HSPA4L: variants seen among roughly 807,000 people sequenced by gnomAD.
The protein encoded by HSPA4L is heat shock protein family A (Hsp70) member 4 like.
In HSPA4L, 48 loss-of-function variants were observed where a neutral mutation model predicts 100.3. That is an observed-to-expected ratio of 0.48 (90% CI 0.38 to 0.61). The LOEUF (loss-of-function observed/expected upper bound fraction) is 0.61. Ranked by LOEUF, HSPA4L falls within the 20% of genes least tolerant of loss-of-function variation. The pLI is 0.00. For missense variants in HSPA4L, 886 were observed against 988.6 expected, an observed-to-expected ratio of 0.90 and a Z score of 1.39; for synonymous variants, 319 against 328.2, an observed-to-expected ratio of 0.97 and a Z score of 0.30.
chr4:127,822,951 T>A (rs1733852107), intron 15 of HSPA4L, 57 bp downstream of exon 15: 1 of 1,505,234 alleles, frequency 6.6e-7, no homozygotes, highest in South Asian at 1.2e-5. Context: ...TACTCGAGAA[T>A]GCTAGTACAA....
Position 127,818,343 on chromosome 4 carries a change from C to T in HSPA4L, c.1597C>T (p.Gln533Ter). 1 of 1,609,790 alleles carries T rather than the reference C, an allele frequency of 6.2e-7. No individual in the cohort carries two copies. Among genetic ancestry groups the T allele is most frequent in the East Asian group, 2.2e-5 (1 of 44,754 alleles). Residue 533 changes from glutamine (Q) to a stop codon, truncating the protein, a stop_gained, in exon 13 of 19, where the codon CAA (glutamine) becomes TAA (stop). Transcript: ENST00000296464. LOFTEE classifies it high-confidence loss of function. ...TTTCTAGGATAAAATGCAGGTTGAT[C>T]AAGAAGAAGGGCATCAAAAATGTCA... The part of the protein sequence containing the change: ...KDNMDKMQVD[Q>*]EEGHQKCHAE...
At chr4:127,811,733 C>A (rs1733537419) in intron 12 of HSPA4L, 97 bp downstream of exon 12, 2 of 891,766 alleles carry the variant, frequency 2.2e-6, no homozygotes, top group Non-Finnish European at 3.4e-6. Context: ...ACATTACTCT[C>A]TGAGGTTTTG....
chr4:127,784,247 T>C (rs1191371128), intron 1 of HSPA4L, among the ~76,000 whole-genome samples: 1 of 152,244 alleles, frequency 6.6e-6, no homozygotes, highest in Non-Finnish European at 1.5e-5. Context: ...AGGGTGGACA[T>C]TCTTTTAGTC....
chr4:127,813,444 G>A (rs1733594733), intron 12 of HSPA4L: 1 of 366,082 alleles, frequency 2.7e-6, no homozygotes, highest in East Asian at 4.7e-5. Flanking sequence ...TTTGAATTGA[G>A]GAAGAGGAAA....
chr4:127,800,899 A>G (rs1733156185), intron 4 of HSPA4L, among the ~76,000 whole-genome samples: 1 of 152,198 alleles, frequency 6.6e-6, no homozygotes, highest in African/African-American at 2.4e-5. Flanking sequence ...ATTTAGACGA[A>G]TAAAACTTAG....
chr4:127,811,637 G>C lies in HSPA4L; in HGVS notation c.1578+1G>C. The C allele has an allele frequency of 6.3e-7, 1 of 1,599,570 alleles. No individual in the cohort carries two copies. Among genetic ancestry groups the C allele is most frequent in the Non-Finnish European group, 8.5e-7 (1 of 1,170,298 alleles). ...TAAAAATGAAAACAAAGATAATATG[G>C]TATGTAGAAATTCTTTCTCAATGTT... On this transcript the variant is annotated splice_donor_variant, in intron 12 of 18. Coordinates refer to ENST00000296464, the MANE Select transcript of HSPA4L (RefSeq NM_014278.4). LOFTEE classifies it high-confidence loss of function.
At chr4:127,800,366 G>C (rs1487061044) in intron 4 of HSPA4L, among the ~76,000 whole-genome samples, 1 of 152,076 alleles carries the variant, frequency 6.6e-6, no homozygotes, top group African/African-American at 2.4e-5. Flanking sequence ...TACTCAGGGG[G>C]CTGAAGCAAA....
chr4:127,800,394 G>A (rs576609693), intron 4 of HSPA4L, among the ~76,000 whole-genome samples: 16 of 152,152 alleles, frequency 1.1e-4, no homozygotes, highest in Admixed American at 6.5e-5. Flanking sequence ...CTTGAGCCCA[G>A]GAGTTTAAAG....
In HSPA4L at chr4:127,836,482, T is replaced by G. The variant is rs1734216097; in HGVS notation, c.*3608T>G. 1 of 151,982 alleles carries G rather than the reference T, an allele frequency of 6.6e-6. No individual in the cohort carries two copies. The highest frequency in any genetic ancestry group is 6.6e-5 in the Admixed American group (1 of 15,246). 9.4% of individuals were successfully genotyped at this position (151,982 alleles called of 1,614,324 possible). A position where few individuals can be genotyped will look rare whatever the true frequency, so the allele number is the denominator to read the frequency against. On this transcript the variant is annotated 3_prime_UTR_variant, in exon 19 of 19. Coordinates refer to ENST00000296464, the MANE Select transcript of HSPA4L (RefSeq NM_014278.4). ...TGGGGGGGGGTGTCAATTTTTAGTA[T>G]ATTAAGAGCTAAAAGAAGTAAAGGT...
In HSPA4L at chr4:127,822,659, T is replaced by C. The variant is rs1044781224; in HGVS notation, c.1813-110T>C. On this transcript the variant is annotated intron_variant, in intron 14 of 18. Coordinates refer to ENST00000296464, the MANE Select transcript of HSPA4L (RefSeq NM_014278.4). ...TTCTCCACATCCTCATGAATACTTA[T>C]TTTTTGTATTGTAATCATCCTAGTG... 8.7e-6 allele frequency: 9 copies of C among 1,028,676 alleles called. No individual in the cohort carries two copies. The African/African-American group carries it at 9.8e-5, about 11-fold the overall frequency. The allele number at this position is 1,028,676 out of a possible 1,614,324, so 63.7% of individuals were successfully genotyped here. A position where few individuals can be genotyped will look rare whatever the true frequency, so the allele number is the denominator to read the frequency against.
At position 127,838,752 on chromosome 4, in the gene HSPA4L, CTG is replaced by C. The variant is rs1734295291; in HGVS notation, c.*5880_*5881del. 6.6e-6 allele frequency: 1 copy of C among 152,172 alleles called. No individual in the cohort carries two copies. Among genetic ancestry groups the C allele is most frequent in the Non-Finnish European group, 1.5e-5 (1 of 68,022 alleles). The allele number at this position is 152,172 out of a possible 1,614,324, so 9.4% of individuals were successfully genotyped here. A position where few individuals can be genotyped will look rare whatever the true frequency, so the allele number is the denominator to read the frequency against. ...CCAATTCTAGACTCTTAAATAATCA[CTG>C]TATTTTTCTCAAGTATTTGTTATTT... On this transcript the variant is annotated 3_prime_UTR_variant, in exon 19 of 19. Transcript: ENST00000296464.
intron 12 of HSPA4L, among the ~76,000 whole-genome samples, chr4:127,815,236 A>G (rs1733643518): frequency 6.6e-6 from 1 of 152,178 alleles, no homozygotes; most frequent in African/African-American, 2.4e-5. Flanking sequence ...AAATCACAAT[A>G]GAGCTTGCTG....
intron 10 of HSPA4L, among the ~76,000 whole-genome samples, chr4:127,807,287 G>T (rs956045022): frequency 2.0e-5 from 3 of 151,872 alleles, no homozygotes; most frequent in Non-Finnish European, 4.4e-5. Context: ...AATAGGAATT[G>T]CTATGTAGGT....
intron 6 of HSPA4L, 84 bp from the exon 7 acceptor site, chr4:127,803,545 A>G (rs1286760792): frequency 2.2e-6 from 3 of 1,338,052 alleles, no homozygotes; most frequent in South Asian, 3.5e-5. Context: ...TTATTTTTAC[A>G]TTTTTTTATT....
rs951383136 is a variant in HSPA4L at position 127,784,109 on chromosome 4, A to G, written c.107+1452A>G. 2.0e-5 allele frequency among the ~76,000 whole-genome samples: 3 copies of G among 152,274 alleles called. No individual in the cohort carries two copies. In the South Asian group the frequency reaches 6.2e-4, roughly 31 times the overall value. On this transcript the variant is annotated intron_variant, in intron 1 of 18. Coordinates refer to ENST00000296464, the MANE Select transcript of HSPA4L (RefSeq NM_014278.4). ...CTACAAGGTTTTATATTAAGCCACA[A>G]CAAATACTGGCTTTCGCCAGAAACA...
chr4:127,824,853 TG>T (rs1733902055), intron 16 of HSPA4L, among the ~76,000 whole-genome samples: 1 of 152,178 alleles, frequency 6.6e-6, no homozygotes, highest in East Asian at 1.9e-4. Flanking sequence ...AAGTTTATAT[TG>T]GGCTGGGCGC....
Position 127,834,864 on chromosome 4 carries a change from T to G in HSPA4L, c.*1990T>G, listed in dbSNP as rs533488001. 3.9e-5 allele frequency: 6 copies of G among 152,330 alleles called. No homozygotes were observed. The East Asian group carries it at 1.2e-3, about 29-fold the overall frequency. 9.4% of individuals were successfully genotyped at this position (152,330 alleles called of 1,614,324 possible). ...AGTATATCCTGACATTTTCCATTCC[T>G]GCTCTGAAGTCACTTTTAGTTTTGT... On this transcript the variant is annotated 3_prime_UTR_variant, in exon 19 of 19. Coordinates refer to ENST00000296464, the MANE Select transcript of HSPA4L (RefSeq NM_014278.4).
chr4:127,817,528 A>G (rs563534363), intron 12 of HSPA4L, among the ~76,000 whole-genome samples: 2 of 152,198 alleles, frequency 1.3e-5, no homozygotes, highest in South Asian at 4.2e-4. Context: ...AAAAAAATCT[A>G]TTATATATAT....
At chr4:127,822,472 G>C (rs2148797056) in intron 14 of HSPA4L, among the ~76,000 whole-genome samples, 1 of 152,226 alleles carries the variant, frequency 6.6e-6, no homozygotes, top group South Asian at 2.1e-4. Flanking sequence ...AGTGAACACT[G>C]ACATACAAAT....
Sources: allele counts gnomAD v4.1 joint callset (sites outside exome capture counted in the v4.1 genomes callset), GRCh38; gene constraint gnomAD v4.1.1; transcripts MANE v1.5; gene names NCBI Gene and HGNC (gene_info 2026-07-23, HGNC 2026-07-21).